The following SYN2 variants were observed in gnomAD, a reference collection of about 807,000 sequenced individuals.
The protein encoded by SYN2 is synapsin II.
A neutral mutation model predicts 50.9 loss-of-function variants in SYN2; 19 were observed. The ratio of observed to expected loss-of-function variants is 0.37; its 90% CI spans 0.26 to 0.55. The LOEUF is 0.55. Among genes scored for constraint, SYN2 ranks in the 20% least tolerant of loss-of-function variants. The pLI is 0.81. For missense variants in SYN2, 587 were observed against 576.4 expected, an observed-to-expected ratio of 1.02 and a Z score of -0.19; for synonymous variants, 255 against 224.9, an observed-to-expected ratio of 1.13 and a Z score of -1.20.
At chr3:12,045,649 C>T (rs1360176923) in intron 1 of SYN2, among the ~76,000 whole-genome samples, 1 of 152,132 alleles carries the variant, frequency 6.6e-6, no homozygotes, top group Non-Finnish European at 1.5e-5. Flanking sequence ...TCTTGCATTC[C>T]CATAGTCCTT....
chr3:12,140,807 C>T lies in SYN2; in HGVS notation c.435+99C>T. The T allele has an allele frequency of 9.8e-6, 7 of 713,672 alleles. No individual in the cohort carries two copies. In the South Asian group the frequency reaches 1.0e-4, roughly 11 times the overall value. 44.2% of individuals were successfully genotyped at this position (713,672 alleles called of 1,614,324 possible). A position where few individuals can be genotyped will look rare whatever the true frequency, so the allele number is the denominator to read the frequency against. On this transcript the variant is annotated intron_variant, in intron 2 of 12. Transcript: ENST00000621198. ...CGTTCTGCTGAGTGGAATACTGTGT[C>T]CATCATTGGGTTCTGGACTCTGCAT...
intron 1 of SYN2, among the ~76,000 whole-genome samples, chr3:12,099,964 C>CA (rs1413918070): frequency 0.052 from 379 of 7,310 alleles, 4 homozygotes; most frequent in African/African-American, 0.18. Flanking sequence ...GACTCTGTCT[C>CA]AAAAAAAAAA....
intron 1 of SYN2, among the ~76,000 whole-genome samples, chr3:12,042,030 T>A (rs1190738673): frequency 1.3e-5 from 2 of 152,248 alleles, no homozygotes; most frequent in Non-Finnish European, 2.9e-5. Flanking sequence ...TATAGTAGTT[T>A]CCAAATAATT....
At chr3:12,104,565 CTTTTCTTTTTTTTTTTTTTTTT>C (rs1456760263) in intron 1 of SYN2, among the ~76,000 whole-genome samples, 4 of 68,582 alleles carry the variant, frequency 5.8e-5, no homozygotes, top group Non-Finnish European at 8.3e-5. Flanking sequence ...TTTTTCTTTT[CTTTTCTTTTTTTTTTTTTTTTT>C]TTTTTGAGAC....
At chr3:12,167,163 G>T in intron 7 of SYN2, 71 bp from the exon 8 acceptor site, 1 of 1,505,184 alleles carries the variant, frequency 6.6e-7, no homozygotes, top group Admixed American at 1.9e-5. Flanking sequence ...CTAAAATTCT[G>T]GAAAGTTGCA....
chr3:12,149,509 A>C (rs1697228367), intron 4 of SYN2, among the ~76,000 whole-genome samples: 1 of 152,230 alleles, frequency 6.6e-6, no homozygotes, highest in South Asian at 2.1e-4. Flanking sequence ...CCCAGCAAGG[A>C]GAAGAGACCT....
chr3:12,086,871 G>T (rs958627129), intron 1 of SYN2, among the ~76,000 whole-genome samples: 2 of 152,062 alleles, frequency 1.3e-5, no homozygotes, highest in African/African-American at 4.8e-5. Context: ...GAGCAATTAG[G>T]CAAGAAATAG....
chr3:12,067,876 T>C (rs1695254473), intron 1 of SYN2, among the ~76,000 whole-genome samples: 1 of 152,120 alleles, frequency 6.6e-6, no homozygotes, highest in Non-Finnish European at 1.5e-5. Flanking sequence ...GCATGGGCAA[T>C]GTGGCAAAAC....
chr3:12,114,304 T>C (rs1696384508), intron 1 of SYN2, among the ~76,000 whole-genome samples: 1 of 152,132 alleles, frequency 6.6e-6, no homozygotes, highest in African/African-American at 2.4e-5. Flanking sequence ...TCATCTTTTA[T>C]TGTTGAGTTG....
intron 1 of SYN2, among the ~76,000 whole-genome samples, chr3:12,037,752 C>G (rs1303692381): frequency 6.6e-6 from 1 of 152,224 alleles, no homozygotes. Flanking sequence ...AACACTGTTG[C>G]AATGGGGATT....
intron 1 of SYN2, among the ~76,000 whole-genome samples, chr3:12,067,742 C>T (rs1370370820): frequency 6.6e-6 from 1 of 152,144 alleles, no homozygotes; most frequent in Non-Finnish European, 1.5e-5. Flanking sequence ...ACTTCTTAAG[C>T]ATTCTATAAA....
At chr3:12,014,118 C>T (rs753226186) in intron 1 of SYN2, among the ~76,000 whole-genome samples, 3 of 152,190 alleles carry the variant, frequency 2.0e-5, no homozygotes, top group African/African-American at 7.2e-5. Flanking sequence ...GGACACAACA[C>T]AATGGTCTGT....
At chr3:12,053,368 C>T (rs1694911494) in intron 1 of SYN2, among the ~76,000 whole-genome samples, 1 of 151,962 alleles carries the variant, frequency 6.6e-6, no homozygotes, top group South Asian at 2.1e-4. Context: ...TTGCAGTGAG[C>T]CGAGATCACA....
In SYN2 at chr3:12,191,179, G is replaced by A; in HGVS notation, c.*554G>A. The A allele has an allele frequency of 4.1e-6, 4 of 985,456 alleles. No homozygotes were observed. Among genetic ancestry groups the A allele is most frequent in the Non-Finnish European group, 4.8e-6 (4 of 829,976 alleles). 61.0% of individuals were successfully genotyped at this position (985,456 alleles called of 1,614,324 possible). On this transcript the variant is annotated 3_prime_UTR_variant, in exon 13 of 13. Coordinates refer to ENST00000621198, the MANE Select transcript of SYN2 (RefSeq NM_133625.6). ...TACAAGATCTTAGGCTGCTGTGGTGGTGAAGCACCTTGAGTCTGCTGATAT... is the reference window on the plus strand; with the variant it reads ...TACAAGATCTTAGGCTGCTGTGGTGATGAAGCACCTTGAGTCTGCTGATAT...
chr3:12,053,313 C>T (rs1253881451), intron 1 of SYN2, among the ~76,000 whole-genome samples: 1 of 151,990 alleles, frequency 6.6e-6, no homozygotes, highest in African/African-American at 2.4e-5. Flanking sequence ...CCCAGCTACT[C>T]AGGAGGCTGA....
At chr3:12,113,990 T>C (rs1424128381) in intron 1 of SYN2, among the ~76,000 whole-genome samples, 1 of 152,180 alleles carries the variant, frequency 6.6e-6, no homozygotes, top group Non-Finnish European at 1.5e-5. Context: ...TATGTTTAAC[T>C]TCCTGAGAAA....
intron 1 of SYN2, among the ~76,000 whole-genome samples, chr3:12,035,530 A>G (rs549259006): frequency 3.9e-5 from 6 of 152,346 alleles, no homozygotes; most frequent in Admixed American, 2.6e-4. Flanking sequence ...GAACTCCCCA[A>G]TGGCTTACAT....
chr3:12,106,108 T>C (rs1451769275), intron 1 of SYN2, among the ~76,000 whole-genome samples: 2 of 152,216 alleles, frequency 1.3e-5, no homozygotes, highest in African/African-American at 2.4e-5. Flanking sequence ...ATTGGGTTTC[T>C]TGTGGTTATA....
chr3:12,058,333 T>C (rs746221903), intron 1 of SYN2, among the ~76,000 whole-genome samples: 1 of 152,220 alleles, frequency 6.6e-6, no homozygotes, highest in Non-Finnish European at 1.5e-5. Context: ...AATTAAGATA[T>C]GCTATTATGC....
Sources: gnomAD v4.1 joint callset for allele counts (sites outside exome capture counted in the v4.1 genomes callset) on GRCh38, gnomAD v4.1.1 for gene constraint, MANE v1.5 for transcripts, NCBI Gene and HGNC (gene_info 2026-07-23, HGNC 2026-07-21) for gene names.